Variants in ITGAM observed in about 807,000 individuals in gnomAD.
ITGAM encodes the protein integrin subunit alpha M.
ITGAM carries 79 observed loss-of-function variants against 137.5 expected under a neutral mutation model. That is an observed-to-expected ratio of 0.57 (90% confidence interval 0.48 to 0.69). The LOEUF (loss-of-function observed/expected upper bound fraction) is 0.69, where lower values mean the gene tolerates loss of function less well. Ranked by LOEUF, ITGAM falls within the 30% of genes least tolerant of loss-of-function variation. The probability of loss-of-function intolerance (pLI) is 0.00; values close to 1 mark genes in which losing one functional copy is unlikely to be tolerated. For missense variants in ITGAM, 1,343 were observed against 1,483.5 expected, an observed-to-expected ratio of 0.91 and a Z score of 1.56; for synonymous variants, 583 against 592.3, an observed-to-expected ratio of 0.98 and a Z score of 0.23.
In ITGAM at chr16:31,324,914, G is replaced by A. The variant is rs773871941; in HGVS notation, c.2290-44G>A. ...TTATTGTTTAATTTCACAATACTTG[G>A]TTATTTTCTTTCCTTTCATTTGATC... On this transcript the variant is annotated intron_variant, in intron 18 of 29. Transcript: ENST00000544665. The surrounding 1 kb of genome is among the most constrained non-coding windows in gnomAD (Gnocchi z 4.5). The A allele has an allele frequency of 2.0e-5, 32 of 1,563,376 alleles. No homozygotes were observed. Among genetic ancestry groups the A allele is most frequent in the Admixed American group, 1.9e-4 (10 of 52,022 alleles).
chr16:31,291,641 A>G (rs1416768867), intron 12 of ITGAM, among the ~76,000 whole-genome samples: 1 of 152,130 alleles, frequency 6.6e-6, no homozygotes, highest in Admixed American at 6.6e-5. Context: ...TTGCAATAAC[A>G]GGATTGGAAC....
At position 31,325,595 on chromosome 16, in the gene ITGAM, C is replaced by A; in HGVS notation, c.2601C>A (p.Asn867Lys). ...TGAAGAGCACCAGCTGCAGCATAAA[C>A]CACCCCATCTTCCCGGAAAACTCAG... ...GALKSTSCSI[N>K]HPIFPENSEV... The change falls in exon 21 of 30, where the codon AAC (asparagine) becomes AAA (lysine). Residue 867 changes from asparagine to lysine, a missense_variant. Asn to Lys is a moderately conservative substitution (Grantham distance 94). Coordinates refer to ENST00000544665, the MANE Select transcript of ITGAM (RefSeq NM_000632.4). The A allele has an allele frequency of 6.2e-7, 1 of 1,613,894 alleles. No individual in the cohort carries two copies.
intron 14 of ITGAM, among the ~76,000 whole-genome samples, chr16:31,311,611 C>T (rs899810729): frequency 3.3e-5 from 5 of 152,114 alleles, no homozygotes; most frequent in African/African-American, 7.2e-5. Flanking sequence ...GTTAGAATGG[C>T]AATCATTAAA....
intron 12 of ITGAM, among the ~76,000 whole-genome samples, chr16:31,287,870 G>A (rs906417636): frequency 3.3e-5 from 5 of 152,132 alleles, no homozygotes; most frequent in Non-Finnish European, 5.9e-5. Flanking sequence ...GTCAAGTGTG[G>A]ATTGGATGCC....
intron 5 of ITGAM, among the ~76,000 whole-genome samples, chr16:31,270,734 TA>T (rs1567248876): frequency 1.7e-4 from 19 of 114,886 alleles, no homozygotes; most frequent in Non-Finnish European, 2.8e-4. Context: ...TATATATATA[TA>T]TATATATATG....
chr16:31,292,743 A>G (rs1256669901), intron 12 of ITGAM, among the ~76,000 whole-genome samples: 3 of 152,064 alleles, frequency 2.0e-5, no homozygotes, highest in Non-Finnish European at 4.4e-5. Flanking sequence ...ATGTGTCTTT[A>G]TGGTAGGATG....
rs151181826 is a variant in ITGAM, at chr16:31,268,936, C to T, written c.428-2018C>T. On this transcript the variant is annotated intron_variant, in intron 5 of 29. Coordinates refer to ENST00000544665, the MANE Select transcript of ITGAM (RefSeq NM_000632.4). ...ACCTTGCTTGCTGCCTAGACAGAGCCGATTCATCAAGACAGCAGAATTGCG... is the reference window on the plus strand; with the variant it reads ...ACCTTGCTTGCTGCCTAGACAGAGCTGATTCATCAAGACAGCAGAATTGCG... Among the ~76,000 whole-genome samples, 88 of 152,202 alleles carry T rather than the reference C, an allele frequency of 5.8e-4. 2 individuals carry two copies. The East Asian group carries it at 0.016, about 28-fold the overall frequency.
chr16:31,280,307 A>C (rs1225376573), intron 12 of ITGAM, among the ~76,000 whole-genome samples: 1 of 152,176 alleles, frequency 6.6e-6, no homozygotes, highest in Non-Finnish European at 1.5e-5. Flanking sequence ...GAAGGCATTG[A>C]ATCTATGAAT....
At chr16:31,265,905 G>T in intron 4 of ITGAM, 24 bp downstream of exon 4, 1 of 1,611,674 alleles carries the variant, frequency 6.2e-7, no homozygotes. Context: ...GATCAGAGGA[G>T]CATCCTAATG....
At chr16:31,287,895 G>A (rs746693678) in intron 12 of ITGAM, among the ~76,000 whole-genome samples, 4 of 152,062 alleles carry the variant, frequency 2.6e-5, no homozygotes, top group South Asian at 2.1e-4. Context: ...CTCTGTTTTC[G>A]GTGTGTGGTC....
rs575588669 is a variant in ITGAM, at chr16:31,275,415, C to T, written c.859-134C>T. On this transcript the variant is annotated intron_variant, in intron 8 of 29. Coordinates refer to ENST00000544665, the MANE Select transcript of ITGAM (RefSeq NM_000632.4). ...AACCTGCCCAACTATACCTGGCAAC[C>T]CTGTCCCAGGGACCTTCTGATGCAT... is the stretch of plus-strand genomic sequence containing the variant. 21 of 942,898 alleles carry T rather than the reference C, an allele frequency of 2.2e-5. 1 individual carries two copies. In the East Asian group the frequency reaches 5.4e-4, roughly 24 times the overall value. 58.4% of individuals were successfully genotyped at this position (942,898 alleles called of 1,614,324 possible). A position where few individuals can be genotyped will look rare whatever the true frequency, so the allele number is the denominator to read the frequency against.
At position 31,330,587 on chromosome 16, in the gene ITGAM, G is replaced by A. The variant is rs967248365; in HGVS notation, c.3258G>A (p.Gly1086=). ...DSVFTLLPGQ[G]AFVRSQTETK... Reference sequence around the variant, plus strand: ...TGTTCACCCTGCTGCCGGGACAGGGGGCGTTTGTGAGGTCCCAGGTACCTG... The same window carrying A: ...TGTTCACCCTGCTGCCGGGACAGGGAGCGTTTGTGAGGTCCCAGGTACCTG... The change falls in exon 28 of 30, where the codon GGG becomes GGA. Residue 1086 remains glycine (G), a synonymous_variant. Coordinates refer to ENST00000544665, the MANE Select transcript of ITGAM (RefSeq NM_000632.4). The A allele has an allele frequency of 6.2e-7, 1 of 1,610,526 alleles. No homozygotes were observed. The highest frequency in any genetic ancestry group is 8.5e-7 in the Non-Finnish European group (1 of 1,177,882).
intron 14 of ITGAM, among the ~76,000 whole-genome samples, chr16:31,317,379 G>T (rs548114053): frequency 1.3e-5 from 2 of 152,140 alleles, no homozygotes; most frequent in African/African-American, 4.8e-5. Flanking sequence ...TTGTGTGATG[G>T]TATTTGTAGA....
intron 1 of ITGAM, among the ~76,000 whole-genome samples, 165 bp from the exon 2 acceptor site, chr16:31,261,527 T>G (rs2079699320): frequency 6.6e-6 from 1 of 151,654 alleles, no homozygotes; most frequent in South Asian, 2.1e-4. Context: ...TTTTTTTGTA[T>G]TTAATTTTGA....
At chr16:31,290,793 CCTCT>C (rs1319189010) in intron 12 of ITGAM, among the ~76,000 whole-genome samples, 3 of 151,744 alleles carry the variant, frequency 2.0e-5, no homozygotes, top group East Asian at 1.9e-4. Context: ...GAAATAAAAC[CCTCT>C]CTATTTGCAG....
At chr16:31,268,056 C>T (rs1199000926) in intron 5 of ITGAM, among the ~76,000 whole-genome samples, 2 of 152,186 alleles carry the variant, frequency 1.3e-5, no homozygotes, top group Non-Finnish European at 2.9e-5. Context: ...CCACCACAAT[C>T]GATAGCCATG....
intron 2 of ITGAM, among the ~76,000 whole-genome samples, chr16:31,263,329 T>C (rs2037223536): frequency 6.6e-6 from 1 of 152,252 alleles, no homozygotes; most frequent in South Asian, 2.1e-4. Context: ...ATGCTGTCAT[T>C]TTGCACATGT....
At chr16:31,262,680 T>A (rs1162479391) in intron 2 of ITGAM, among the ~76,000 whole-genome samples, 1 of 152,058 alleles carries the variant, frequency 6.6e-6, no homozygotes, top group Non-Finnish European at 1.5e-5. Flanking sequence ...GCTGGGATGA[T>A]AGGTGTAAAC....
intron 8 of ITGAM, among the ~76,000 whole-genome samples, chr16:31,274,439 C>A (rs1397335310): frequency 1.3e-5 from 2 of 152,124 alleles, no homozygotes; most frequent in South Asian, 2.1e-4. Context: ...AAATGCCAGG[C>A]TCTCATCATG....
Sources: allele counts gnomAD v4.1 joint callset (sites outside exome capture counted in the v4.1 genomes callset), GRCh38; gene constraint gnomAD v4.1.1; non-coding constraint Gnocchi (gnomAD v3.1); transcripts MANE v1.5; gene names NCBI Gene and HGNC (gene_info 2026-07-23, HGNC 2026-07-21).